Variants in TNIK observed in about 807,000 individuals in gnomAD.
TNIK encodes the protein TRAF2 and NCK-interacting protein kinase.
TNIK carries 49 observed loss-of-function variants against 191.3 expected under a neutral mutation model. The observed-to-expected ratio is 0.26, with a 90% CI of 0.20 to 0.32. The LOEUF (loss-of-function observed/expected upper bound fraction) is 0.32. Among genes scored for constraint, TNIK ranks in the 10% least tolerant of loss-of-function variants. The pLI is 1.00. For synonymous variants in TNIK, 594 were observed against 600.9 expected, an observed-to-expected ratio of 0.99 and a Z score of 0.17; for missense variants, 1,155 against 1,702.3, an observed-to-expected ratio of 0.68 and a Z score of 5.66.
chr3:171,063,825 T>TA lies in TNIK; in HGVS notation c.*55dup. The TA allele has an allele frequency of 6.4e-7, 1 of 1,572,540 alleles. No individual in the cohort carries two copies. The highest frequency in any genetic ancestry group is 2.2e-5 in the East Asian group (1 of 44,534). On this transcript the variant is annotated 3_prime_UTR_variant, in exon 33 of 33. Transcript: ENST00000436636. Reference sequence around the variant, plus strand: ...TAGACTGGCATAAGTCCACATGAGTTATGTTCTTTTAAATTAGAAATAACG... The same window carrying TA: ...TAGACTGGCATAAGTCCACATGAGTTAATGTTCTTTTAAATTAGAAATAACG...
intron 4 of TNIK, among the ~76,000 whole-genome samples, chr3:171,205,378 C>T (rs1476406474): frequency 6.6e-6 from 1 of 152,182 alleles, no homozygotes; most frequent in Non-Finnish European, 1.5e-5. Flanking sequence ...TCAGAGCAGC[C>T]CTCTGCATAG....
At chr3:171,276,739 G>A (rs1004520514) in intron 2 of TNIK, among the ~76,000 whole-genome samples, 2 of 151,960 alleles carry the variant, frequency 1.3e-5, no homozygotes, top group Non-Finnish European at 2.9e-5. Context: ...TACAAAGTAG[G>A]GAATCTAAAA....
chr3:171,223,736 A>G (rs931129197), intron 3 of TNIK, among the ~76,000 whole-genome samples: 2 of 152,206 alleles, frequency 1.3e-5, no homozygotes, highest in Admixed American at 1.3e-4. Context: ...GCACGTAGTA[A>G]TCACTCACTT....
chr3:171,252,940 A>C (rs911742336), intron 2 of TNIK, among the ~76,000 whole-genome samples: 1 of 152,148 alleles, frequency 6.6e-6, no homozygotes, highest in East Asian at 1.9e-4. Context: ...TTTAGAATGC[A>C]TAGTTTTTTG....
At chr3:171,278,670 G>C (rs776790021) in intron 2 of TNIK, among the ~76,000 whole-genome samples, 1 of 152,100 alleles carries the variant, frequency 6.6e-6, no homozygotes, top group Non-Finnish European at 1.5e-5. Context: ...AAAAACAGGA[G>C]TATCCTCCCA....
Position 171,139,458 on chromosome 3 carries a change from C to T in TNIK, c.1419+12G>A, listed in dbSNP as rs1306272513. The T allele has an allele frequency of 1.9e-6, 3 of 1,611,392 alleles. No individual in the cohort carries two copies. In the Admixed American group the frequency reaches 5.0e-5, roughly 27 times the overall value. ...ACAGAGCAGGTCAGCTGGTTCTTGG[C>T]TTTCTCATTACCAGAAGTAGAGCTT... On this transcript the variant is annotated intron_variant, in intron 14 of 32. Coordinates refer to ENST00000436636, the MANE Select transcript of TNIK (RefSeq NM_015028.4).
chr3:171,179,744 C>T (rs563001599), intron 7 of TNIK, among the ~76,000 whole-genome samples: 3 of 152,302 alleles, frequency 2.0e-5, no homozygotes, highest in Admixed American at 2.0e-4. Flanking sequence ...GCCACCGTGC[C>T]CGGCCTGTAC....
rs549985507 is a variant in TNIK, at chr3:171,149,530, C to CGGACAAAG, written c.1221+7922_1221+7929dup. On this transcript the variant is annotated intron_variant, in intron 12 of 32. Transcript: ENST00000436636. ...CCATCACAGGATCCAGGTGACAAAG[C>CGGACAAAG]GGACAAAGTCAGAACTCCTTTGGCA... is the stretch of plus-strand genomic sequence containing the variant. Among the ~76,000 whole-genome samples, 30 of 152,236 alleles carry CGGACAAAG rather than the reference C, an allele frequency of 2.0e-4. No homozygotes were observed. In the South Asian group the frequency reaches 6.0e-3, roughly 31 times the overall value.
At chr3:171,455,954 A>T (rs1728751982) in intron 1 of TNIK, among the ~76,000 whole-genome samples, 1 of 152,248 alleles carries the variant, frequency 6.6e-6, no homozygotes, top group African/African-American at 2.4e-5. Context: ...CACACCAAGT[A>T]AAACATGAGC....
At chr3:171,122,596 A>T (rs1450777849) in intron 18 of TNIK, among the ~76,000 whole-genome samples, 1 of 152,192 alleles carries the variant, frequency 6.6e-6, no homozygotes, top group East Asian at 1.9e-4. Flanking sequence ...AAGGCTTTTC[A>T]TGTGAAGAGG....
intron 1 of TNIK, among the ~76,000 whole-genome samples, chr3:171,399,599 G>A (rs1310713586): frequency 1.3e-5 from 2 of 152,002 alleles, no homozygotes; most frequent in Admixed American, 6.6e-5. Context: ...AGAATAGTAG[G>A]CAACCGATAA....
intron 4 of TNIK, among the ~76,000 whole-genome samples, chr3:171,203,845 G>C (rs181904951): frequency 6.6e-6 from 1 of 152,324 alleles, no homozygotes; most frequent in East Asian, 1.9e-4. Flanking sequence ...GGCTCTGCAA[G>C]TGTACCGTGT....
In TNIK at chr3:171,125,955, T is replaced by G; in HGVS notation, c.1970A>C (p.Asp657Ala). 1 of 1,613,898 alleles carries G rather than the reference T, an allele frequency of 6.2e-7. No homozygotes were observed. The change falls in exon 17 of 33, where the codon GAC becomes GCC. Residue 657 changes from aspartate to alanine, a missense_variant. Physicochemically the swap from Asp to Ala is moderately radical, Grantham distance 126. This residue lies in a region of TNIK where 735 missense variants were observed against 848.0 expected (regional missense o/e 0.87). Coordinates refer to ENST00000436636, the MANE Select transcript of TNIK (RefSeq NM_015028.4). ...TTCCTGTCGTAACCAAGAGCTTCGG[T>G]CAAACTTTTCAATGCGAGTGGGGAG... ...PPLPTRIEKF[D>A]RSSWLRQEED...
chr3:171,172,192 C>T (rs1488396547), intron 9 of TNIK, among the ~76,000 whole-genome samples: 1 of 152,140 alleles, frequency 6.6e-6, no homozygotes, highest in African/African-American at 2.4e-5. Flanking sequence ...ATGTTGTAGA[C>T]TCAGTCATGT....
chr3:171,126,230 A>G, intron 16 of TNIK, 79 bp from the exon 17 acceptor site: 5 of 1,376,170 alleles, frequency 3.6e-6, no homozygotes, highest in South Asian at 1.8e-5. Flanking sequence ...GCTGAAGGAA[A>G]AAAAAAAAAA....
At position 171,062,235 on chromosome 3, in the gene TNIK, C is replaced by A. The variant is rs1215843442; in HGVS notation, c.*1646G>T. On this transcript the variant is annotated 3_prime_UTR_variant, in exon 33 of 33. Coordinates refer to ENST00000436636, the MANE Select transcript of TNIK (RefSeq NM_015028.4). Reference sequence around the variant, plus strand: ...AGAAACAAGCCACATTAGTTTTTGTCATTGGATTCCCCCCACTTCCAATTT... The same window carrying A: ...AGAAACAAGCCACATTAGTTTTTGTAATTGGATTCCCCCCACTTCCAATTT... The A allele has an allele frequency of 6.6e-6, 1 of 152,056 alleles. No individual in the cohort carries two copies. Among genetic ancestry groups the A allele is most frequent in the African/African-American group, 2.4e-5 (1 of 41,410 alleles). 9.4% of individuals were successfully genotyped at this position (152,056 alleles called of 1,614,324 possible).
chr3:171,228,461 A>G (rs1171223147), intron 2 of TNIK, among the ~76,000 whole-genome samples: 2 of 152,170 alleles, frequency 1.3e-5, no homozygotes, highest in Non-Finnish European at 2.9e-5. Context: ...ATGTTGAACA[A>G]TTTGGTTCTA....
chr3:171,340,446 A>G (rs1172060721), intron 2 of TNIK, among the ~76,000 whole-genome samples: 1 of 152,226 alleles, frequency 6.6e-6, no homozygotes, highest in African/African-American at 2.4e-5. Context: ...CCGAATACAT[A>G]AACAGGATGA....
intron 12 of TNIK, among the ~76,000 whole-genome samples, chr3:171,147,398 T>C (rs1029053533): frequency 3.9e-5 from 6 of 152,184 alleles, no homozygotes; most frequent in African/African-American, 1.4e-4. Context: ...ATACTTGTGA[T>C]GAGAGGTATT....
Sources: allele counts gnomAD v4.1 joint callset (sites outside exome capture counted in the v4.1 genomes callset), GRCh38; gene constraint gnomAD v4.1.1; regional missense constraint gnomAD v4.1.1; transcripts MANE v1.5; gene names NCBI Gene and HGNC (gene_info 2026-07-23, HGNC 2026-07-21).